COL1A2: variants seen among roughly 807,000 people sequenced by gnomAD.
The protein encoded by COL1A2 is collagen type I alpha 2 chain.
Under a neutral mutation model 174.3 loss-of-function variants are expected in COL1A2, and 49 were observed. The ratio of observed to expected loss-of-function variants is 0.28; its 90% CI spans 0.22 to 0.36. The LOEUF (loss-of-function observed/expected upper bound fraction) is 0.36. COL1A2 is among the 10% of genes least tolerant of loss of function. COL1A2 has a pLI of 1.00. For missense variants in COL1A2, 1,438 were observed against 1,822.7 expected, an observed-to-expected ratio of 0.79 and a Z score of 3.84; for synonymous variants, 655 against 606.6, an observed-to-expected ratio of 1.08 and a Z score of -1.17.
intron 5 of COL1A2, 23 bp from the exon 6 acceptor site, chr7:94,401,542 TAA>T (rs1584314291): frequency 1.7e-6 from 2 of 1,160,628 alleles, no homozygotes; most frequent in Non-Finnish European, 2.2e-6. Context: ...TATATATATA[TAA>T]TTTTTTTTTT....
At chr7:94,426,320 T>C (rs1792276482) in intron 45 of COL1A2, 103 bp from the exon 46 acceptor site, 2 of 1,090,844 alleles carry the variant, frequency 1.8e-6, no homozygotes, top group Non-Finnish European at 2.7e-6. Flanking sequence ...AACCATTACA[T>C]GTCCTGAGTT....
rs776176503 is a variant in COL1A2, at chr7:94,429,209, G to A, written c.3733G>A (p.Val1245Met). 7.4e-6 allele frequency: 12 copies of A among 1,612,370 alleles called. No homozygotes were observed. The East Asian group carries it at 2.7e-4, about 36-fold the overall frequency. ...GSQFEYNVEG[V>M]TSKEMATQLA... ...GTAGTTTGAATATAATGTAGAAGGA[G>A]TGACTTCCAAGGAAATGGCTACCCA... Residue 1245 changes from valine (V) to methionine (M), a missense_variant, in exon 51 of 52, where the codon GTG becomes ATG. Physicochemically the swap from Val to Met is conservative, Grantham distance 21. This residue lies in a region of COL1A2 where 290 missense variants were observed against 298.1 expected (regional missense o/e 0.97). Transcript: ENST00000297268.
chr7:94,428,351 T>C lies in COL1A2; in HGVS notation c.3585T>C (p.Cys1195=), dbSNP rs1800253. The C allele has an allele frequency of 1.0e-4, 166 of 1,614,214 alleles. No homozygotes were observed. In the African/African-American group the frequency reaches 1.9e-3, roughly 18 times the overall value. The part of the protein sequence containing the change: ...GCTMDAIKVY[C]DFSTGETCIR... ...CTATGGATGCTATCAAAGTATACTG[T>C]GATTTCTCTACTGGCGAAACCTGTA... Residue 1195 remains cysteine (C), a synonymous_variant, in exon 50 of 52, where the codon TGT becomes TGC. Transcript: ENST00000297268.
intron 6 of COL1A2, among the ~76,000 whole-genome samples, chr7:94,402,453 A>G (rs1389269159): frequency 2.0e-5 from 3 of 152,140 alleles, no homozygotes; most frequent in Non-Finnish European, 4.4e-5. Flanking sequence ...TATGTCACTC[A>G]GTACAAATAT....
At chr7:94,427,374 T>A (rs1049779875) in intron 48 of COL1A2, 79 bp downstream of exon 48, 5 of 1,354,756 alleles carry the variant, frequency 3.7e-6, no homozygotes, top group Non-Finnish European at 4.1e-6. Flanking sequence ...AAGACAACTT[T>A]GACAACCCAT....
Position 94,429,421 on chromosome 7 carries a change from T to C in COL1A2, c.3945T>C (p.Asp1315=), listed in dbSNP as rs993519019. Residue 1315 remains aspartate (D), a synonymous_variant, in exon 51 of 52, where the codon GAT becomes GAC. Coordinates refer to ENST00000297268, the MANE Select transcript of COL1A2 (RefSeq NM_000089.4). ...NSRFTYTVLV[D]GCSKKTNEWG... is the part of the protein sequence containing the mutation. ...GGTTCACTTACACTGTTCTTGTAGA[T>C]GGCTGCTCTGTAAGTAATAGTGAAA... 92 of 1,613,960 alleles carry C rather than the reference T, an allele frequency of 5.7e-5. No individual in the cohort carries two copies. The highest frequency in any genetic ancestry group is 7.7e-5 in the Non-Finnish European group (91 of 1,180,002).
intron 1 of COL1A2, among the ~76,000 whole-genome samples, chr7:94,395,848 G>T (rs1217290596): frequency 6.6e-6 from 1 of 152,142 alleles, no homozygotes; most frequent in Non-Finnish European, 1.5e-5. Context: ...TCTAGTCATG[G>T]AAATGGTAAC....
chr7:94,420,512 C>T (rs1242469198), intron 36 of COL1A2, 29 bp from the exon 37 acceptor site: 1 of 1,613,866 alleles, frequency 6.2e-7, no homozygotes, highest in East Asian at 2.2e-5. Flanking sequence ...GGTCGGAATA[C>T]CAGAGCTGTA....
chr7:94,397,152 A>G (rs1252668900), intron 1 of COL1A2, among the ~76,000 whole-genome samples: 1 of 152,152 alleles, frequency 6.6e-6, no homozygotes, highest in Non-Finnish European at 1.5e-5. Flanking sequence ...GAATTAATCC[A>G]TTTTCATAGT....
chr7:94,404,875 G>A lies in COL1A2; in HGVS notation c.415G>A (p.Gly139Ser). The change falls in exon 9 of 52, where the codon GGC (glycine) becomes AGC (serine). Residue 139 changes from glycine (G) to serine (S), a missense_variant. Physicochemically the swap from Gly to Ser is moderately conservative, Grantham distance 56. Around this residue, in one of 3 missense-constraint regions of COL1A2, gnomAD observed 281 missense variants for 310.9 expected, o/e 0.90. Coordinates refer to ENST00000297268, the MANE Select transcript of COL1A2 (RefSeq NM_000089.4). ...AGARGPAGPP[G>S]KAGEDGHPGK... ...TGCTCGTGGTCCAGCTGGCCCTCCTGGCAAGGCTGGTGAAGATGTAAGTAT... is the reference window on the plus strand; with the variant it reads ...TGCTCGTGGTCCAGCTGGCCCTCCTAGCAAGGCTGGTGAAGATGTAAGTAT... The A allele has an allele frequency of 6.2e-7, 1 of 1,613,998 alleles. No individual in the cohort carries two copies. The highest frequency in any genetic ancestry group is 2.2e-5 in the East Asian group (1 of 44,876).
At position 94,412,101 on chromosome 7, in the gene COL1A2, G is replaced by A. The variant is rs562290953; in HGVS notation, c.1384G>A (p.Ala462Thr). 3.0e-5 allele frequency: 48 copies of A among 1,612,606 alleles called. No homozygotes were observed. Among genetic ancestry groups the A allele is most frequent in the African/African-American group, 6.7e-5 (5 of 74,888 alleles). Residue 462 changes from alanine to threonine, a missense_variant, in exon 24 of 52, where the codon GCT becomes ACT. Ala to Thr is a moderately conservative substitution (Grantham distance 58, BLOSUM62 0). Transcript: ENST00000297268. ...TGGTTCCCCTGGAAATATCGGCCCCGCTGGAAAAGAAGGTCCTGTCGTAAG... is the reference window on the plus strand; with the variant it reads ...TGGTTCCCCTGGAAATATCGGCCCCACTGGAAAAGAAGGTCCTGTCGTAAG... ...LPGSPGNIGP[A>T]GKEGPVGLPG...
chr7:94,413,079 C>A lies in COL1A2; in HGVS notation c.1504-4C>A, dbSNP rs202169434. On this transcript the variant is annotated splice_region_variant and splice_polypyrimidine_tract_variant and intron_variant, in intron 25 of 51. Coordinates refer to ENST00000297268, the MANE Select transcript of COL1A2 (RefSeq NM_000089.4). ...CTTTGTTTTGTTTTTCATTTTTACT[C>A]TAGGGTGATCCTGGCAAAAACGGTG... 1.2e-6 allele frequency: 2 copies of A among 1,614,018 alleles called. No individual in the cohort carries two copies. Among genetic ancestry groups the A allele is most frequent in the Admixed American group, 1.7e-5 (1 of 60,018 alleles).
Position 94,429,359 on chromosome 7 carries a change from T to C in COL1A2, c.3883T>C (p.Ser1295Pro), listed in dbSNP as rs757449082. Residue 1295 changes from serine (S) to proline (P), a missense_variant, in exon 51 of 52, where the codon TCT (serine) becomes CCT (proline). Ser to Pro is a moderately conservative substitution (Grantham distance 74). Coordinates refer to ENST00000297268, the MANE Select transcript of COL1A2 (RefSeq NM_000089.4). ...GAAAAAGGCTGTCATTCTACAGGGC[T>C]CTAATGATGTTGAACTTGTTGCTGA... is the stretch of plus-strand genomic sequence containing the variant. ...NLKKAVILQG[S>P]NDVELVAEGN... 128 of 1,613,884 alleles carry C rather than the reference T, an allele frequency of 7.9e-5. No homozygotes were observed. In the East Asian group the frequency reaches 2.8e-3, roughly 36 times the overall value.
At chr7:94,428,112 C>T (rs958015758) in intron 49 of COL1A2, among the ~76,000 whole-genome samples, 181 bp from the exon 50 acceptor site, 11 of 152,092 alleles carry the variant, frequency 7.2e-5, no homozygotes, top group African/African-American at 2.7e-4. Flanking sequence ...TTTGATTTTT[C>T]ATGGAGGAGG....
intron 34 of COL1A2, 95 bp from the exon 35 acceptor site, chr7:94,420,138 A>G: frequency 1.3e-6 from 2 of 1,529,582 alleles, no homozygotes; most frequent in African/African-American, 1.4e-5. Context: ...AGGCAACTAC[A>G]GACTCTGTCT....
At chr7:94,425,971 G>C (rs1253195128) in intron 44 of COL1A2, 27 bp from the exon 45 acceptor site, 10 of 1,613,704 alleles carry the variant, frequency 6.2e-6, no homozygotes, top group African/African-American at 2.7e-5. Context: ...GCCTAGCTAA[G>C]TTGTGTTTTT....
chr7:94,420,941 T>C, intron 37 of COL1A2, 68 bp from the exon 38 acceptor site: 1 of 1,450,904 alleles, frequency 6.9e-7, no homozygotes, highest in Non-Finnish European at 9.7e-7. Flanking sequence ...AATGATCCAC[T>C]TGAAGAAAAG....
At chr7:94,424,961 G>A (rs1792243445) in intron 41 of COL1A2, 156 bp from the exon 42 acceptor site, 1 of 689,136 alleles carries the variant, frequency 1.5e-6, no homozygotes, top group South Asian at 1.6e-5. Context: ...GGGCAGAGAT[G>A]ATACTAATGA....
At position 94,430,548 on chromosome 7, in the gene COL1A2, T is replaced by G; in HGVS notation, c.*155T>G. On this transcript the variant is annotated 3_prime_UTR_variant, in exon 52 of 52. Coordinates refer to ENST00000297268, the MANE Select transcript of COL1A2 (RefSeq NM_000089.4). Reference sequence around the variant, plus strand: ...GGCAAAAGAGAAAAAGAAGGATTGATCAGAGCATTGTGCAATACAGTTTCA... The same window carrying G: ...GGCAAAAGAGAAAAAGAAGGATTGAGCAGAGCATTGTGCAATACAGTTTCA... The G allele has an allele frequency of 1.2e-6, 1 of 819,938 alleles. No homozygotes were observed. Among genetic ancestry groups the G allele is most frequent in the South Asian group, 1.7e-5 (1 of 57,522 alleles). 50.8% of individuals were successfully genotyped at this position (819,938 alleles called of 1,614,324 possible).
Sources: allele counts gnomAD v4.1 joint callset (sites outside exome capture counted in the v4.1 genomes callset), GRCh38; gene constraint gnomAD v4.1.1; regional missense constraint gnomAD v4.1.1; transcripts MANE v1.5; gene names NCBI Gene and HGNC (gene_info 2026-07-23, HGNC 2026-07-21).